PDE4D: variants seen among roughly 807,000 people sequenced by gnomAD.
PDE4D encodes the protein phosphodiesterase 4D.
PDE4D carries 24 observed loss-of-function variants against 87.4 expected under a neutral mutation model. That is an observed-to-expected ratio of 0.27 (90% confidence interval 0.20 to 0.39). The LOEUF (loss-of-function observed/expected upper bound fraction) is 0.39, where lower values mean the gene tolerates loss of function less well. Ranked by LOEUF, PDE4D falls within the 10% of genes least tolerant of loss-of-function variation. The probability of loss-of-function intolerance (pLI) is 1.00; values close to 1 mark genes in which losing one functional copy is unlikely to be tolerated. For synonymous variants in PDE4D, 384 were observed against 383.2 expected (o/e 1.00, Z -0.02); for missense variants, 714 against 1,041.0 (o/e 0.69, Z 4.32).
At chr5:60,038,709 G>A (rs956656065) in intron 2 of PDE4D, among the ~76,000 whole-genome samples, 1 of 151,586 alleles carries the variant, frequency 6.6e-6, no homozygotes, top group African/African-American at 2.4e-5. Flanking sequence ...CTAATATCCA[G>A]AATCTACAAT....
At chr5:59,291,850 A>G (rs1288017763) in intron 1 of PDE4D, among the ~76,000 whole-genome samples, 1 of 151,476 alleles carries the variant, frequency 6.6e-6, no homozygotes, top group Non-Finnish European at 1.5e-5. Flanking sequence ...GGAGAAACAC[A>G]GCCTATTCAT....
At chr5:59,385,493 C>T (rs1786789877) in intron 1 of PDE4D, among the ~76,000 whole-genome samples, 1 of 151,910 alleles carries the variant, frequency 6.6e-6, no homozygotes, top group African/African-American at 2.4e-5. Context: ...TATCATTAAT[C>T]TGATTACTTT....
chr5:59,601,573 G>C (rs183638794), intron 1 of PDE4D, among the ~76,000 whole-genome samples: 94 of 152,010 alleles, frequency 6.2e-4, no homozygotes, highest in Admixed American at 1.7e-3. Context: ...ATTTATACTT[G>C]AACTGTCTTT....
intron 1 of PDE4D, among the ~76,000 whole-genome samples, chr5:60,188,637 T>G (rs182090869): frequency 4.5e-4 from 68 of 152,240 alleles, no homozygotes; most frequent in African/African-American, 1.5e-3. Context: ...CTGCAGTCTA[T>G]GAAGAGGATT....
At chr5:59,419,956 C>T (rs244568) in intron 1 of PDE4D, among the ~76,000 whole-genome samples, 75,781 of 151,918 alleles carry the variant, frequency 0.5, 19,600 homozygotes, top group African/African-American at 0.63. Context: ...AGTGGTAGAT[C>T]CACATCTCCT....
chr5:59,119,439 C>CA (rs1774125242), intron 5 of PDE4D, among the ~76,000 whole-genome samples: 1 of 152,096 alleles, frequency 6.6e-6, no homozygotes, highest in Admixed American at 6.6e-5. Context: ...TGAGCTCAGG[C>CA]AAAAGTAAGT....
At chr5:59,384,839 A>T (rs956205852) in intron 1 of PDE4D, among the ~76,000 whole-genome samples, 4 of 151,748 alleles carry the variant, frequency 2.6e-5, no homozygotes, top group African/African-American at 9.7e-5. Flanking sequence ...ACATTTAATT[A>T]TCTTATACTG....
chr5:59,748,831 C>A (rs887240343), intron 1 of PDE4D, among the ~76,000 whole-genome samples: 1 of 152,168 alleles, frequency 6.6e-6, no homozygotes, highest in Admixed American at 6.5e-5. Flanking sequence ...GAACACCCAG[C>A]CCTTTGGAGA....
At chr5:60,429,929 A>T (rs1277540523) in intron 1 of PDE4D, 1 of 460,342 alleles carries the variant, frequency 2.2e-6, no homozygotes, top group Non-Finnish European at 4.3e-6. Flanking sequence ...CCGACTGTAG[A>T]TTTTTTTAAA....
chr5:59,351,257 C>T (rs905532481), intron 1 of PDE4D, among the ~76,000 whole-genome samples: 6 of 152,136 alleles, frequency 3.9e-5, no homozygotes, highest in Non-Finnish European at 8.8e-5. Context: ...AGAGTTGGCA[C>T]TGAAGCTGGG....
intron 2 of PDE4D, among the ~76,000 whole-genome samples, chr5:60,040,502 C>G (rs923251124): frequency 1.3e-5 from 2 of 152,160 alleles, no homozygotes; most frequent in African/African-American, 2.4e-5. Flanking sequence ...CTCACTATAA[C>G]TTTCACCAAA....
intron 1 of PDE4D, among the ~76,000 whole-genome samples, chr5:59,242,942 C>A (rs1219900378): frequency 6.6e-6 from 1 of 152,112 alleles, no homozygotes; most frequent in African/African-American, 2.4e-5. Flanking sequence ...ATGATTAGCT[C>A]TCAGTGTTAT....
At chr5:60,336,168 A>T (rs914153675) in intron 1 of PDE4D, among the ~76,000 whole-genome samples, 3 of 152,238 alleles carry the variant, frequency 2.0e-5, no homozygotes, top group Non-Finnish European at 2.9e-5. Flanking sequence ...TTATGGTAGT[A>T]TAAACAGTGG....
At chr5:59,864,190 C>CTTG (rs1376679150) in intron 1 of PDE4D, among the ~76,000 whole-genome samples, 1 of 152,126 alleles carries the variant, frequency 6.6e-6, no homozygotes, top group Admixed American at 6.6e-5. Flanking sequence ...AGATGAAACC[C>CTTG]TTGGAGTCCA....
chr5:60,423,100 C>G (rs1239784254), intron 1 of PDE4D, among the ~76,000 whole-genome samples: 6 of 152,182 alleles, frequency 3.9e-5, no homozygotes, highest in Admixed American at 6.5e-5. Flanking sequence ...TAATGGGACA[C>G]TTTAACACCC....
intron 5 of PDE4D, among the ~76,000 whole-genome samples, chr5:59,149,356 T>G (rs911709997): frequency 6.6e-6 from 1 of 152,216 alleles, no homozygotes; most frequent in Non-Finnish European, 1.5e-5. Context: ...GGTGCTATCC[T>G]ATTTGGAATT....
intron 1 of PDE4D, among the ~76,000 whole-genome samples, chr5:60,410,456 C>A (rs115191003): frequency 6.6e-6 from 1 of 152,174 alleles, no homozygotes; most frequent in Non-Finnish European, 1.5e-5. Context: ...AAAATCAATA[C>A]ATCAGACTAA....
chr5:59,807,909 T>C (rs1265292118), intron 1 of PDE4D, among the ~76,000 whole-genome samples: 2 of 152,192 alleles, frequency 1.3e-5, no homozygotes, highest in Non-Finnish European at 2.9e-5. Context: ...ACCCAAGACC[T>C]ACGGAGACAG....
intron 5 of PDE4D, among the ~76,000 whole-genome samples, chr5:59,139,287 T>C (rs1171925808): frequency 1.3e-5 from 2 of 152,240 alleles, no homozygotes; most frequent in Non-Finnish European, 2.9e-5. Flanking sequence ...TTCCTGACAA[T>C]GTTTGTTACT....
Sources: gnomAD v4.1 joint callset for allele counts (sites outside exome capture counted in the v4.1 genomes callset) on GRCh38, gnomAD v4.1.1 for gene constraint, MANE v1.5 for transcripts, NCBI Gene and HGNC (gene_info 2026-07-23, HGNC 2026-07-21) for gene names.